The following GALNT13 variants were observed in gnomAD, a reference collection of about 807,000 sequenced individuals.
GALNT13 encodes the protein polypeptide N-acetylgalactosaminyltransferase 13, also known as UDP-GalNAc:polypeptide N-acetylgalactosaminyltransferase 13.
In GALNT13, 28 loss-of-function variants were observed where a neutral mutation model predicts 64.2. That is an observed-to-expected ratio of 0.44 (90% confidence interval 0.32 to 0.60). The LOEUF (loss-of-function observed/expected upper bound fraction) is 0.60, where lower values mean the gene tolerates loss of function less well. Ranked by LOEUF, GALNT13 falls within the 20% of genes least tolerant of loss-of-function variation. The pLI is 0.05. For synonymous variants in GALNT13, 214 were observed against 224.6 expected (o/e 0.95, Z 0.42); for missense variants, 577 against 669.8 (o/e 0.86, Z 1.53).
At chr2:153,180,606 C>G in the GALNT13 span, among the ~76,000 whole-genome samples, 2 of 152,176 alleles carry the variant, frequency 1.3e-5, no homozygotes, top group African/African-American at 4.8e-5. Context: ...TGGCATTGTT[C>G]TTTAAATGTT....
chr2:154,090,330 T>C (rs1456468463), intron 3 of GALNT13, among the ~76,000 whole-genome samples: 1 of 152,148 alleles, frequency 6.6e-6, no homozygotes, highest in Non-Finnish European at 1.5e-5. Context: ...GCTCAATTTC[T>C]ATTTTATGAA....
At chr2:153,999,985 C>T (rs1695791783) in intron 3 of GALNT13, among the ~76,000 whole-genome samples, 1 of 151,866 alleles carries the variant, frequency 6.6e-6, no homozygotes, top group South Asian at 2.1e-4. Flanking sequence ...CAGACTGCCC[C>T]AATCTTGTTA....
At chr2:153,154,735 C>T in the GALNT13 span, among the ~76,000 whole-genome samples, 1 of 152,134 alleles carries the variant, frequency 6.6e-6, no homozygotes, top group Non-Finnish European at 1.5e-5. Flanking sequence ...TCTCTCTTGC[C>T]TGATTGCCCT....
chr2:153,296,348 G>C, the GALNT13 span, among the ~76,000 whole-genome samples: 1 of 152,052 alleles, frequency 6.6e-6, no homozygotes, highest in East Asian at 1.9e-4. Flanking sequence ...TTAAGATACC[G>C]AGAAAATACT....
At chr2:154,205,520 C>T (rs1427616439) in intron 4 of GALNT13, among the ~76,000 whole-genome samples, 1 of 152,208 alleles carries the variant, frequency 6.6e-6, no homozygotes, top group African/African-American at 2.4e-5. Context: ...TATATTGTCA[C>T]ATAGACACTG....
chr2:153,298,329 G>C, the GALNT13 span, among the ~76,000 whole-genome samples: 1 of 152,090 alleles, frequency 6.6e-6, no homozygotes, highest in Non-Finnish European at 1.5e-5. Context: ...CGGACTATCA[G>C]GTCACCTTCG....
At chr2:153,773,858 A>G in the GALNT13 span, among the ~76,000 whole-genome samples, 1 of 152,126 alleles carries the variant, frequency 6.6e-6, no homozygotes, top group African/African-American at 2.4e-5. Flanking sequence ...TTTAACTTTT[A>G]TCTTATCCCA....
intron 3 of GALNT13, among the ~76,000 whole-genome samples, chr2:154,130,996 G>T (rs761381820): frequency 6.6e-6 from 1 of 152,000 alleles, no homozygotes; most frequent in African/African-American, 2.4e-5. Context: ...ATTTTTTTTG[G>T]CAAAATGGGA....
the GALNT13 span, among the ~76,000 whole-genome samples, chr2:153,306,492 A>G: frequency 6.6e-6 from 1 of 152,196 alleles, no homozygotes; most frequent in South Asian, 2.1e-4. Context: ...CAATTTATTT[A>G]CTAGAGTACA....
the GALNT13 span, among the ~76,000 whole-genome samples, chr2:153,199,977 A>C: frequency 6.6e-6 from 1 of 152,208 alleles, no homozygotes; most frequent in African/African-American, 2.4e-5. Context: ...ACCACATCTC[A>C]TAGGGTCTCA....
At chr2:153,345,719 G>GTCCGTCCGTCCTTCCTTCCTTCCTTCCT in the GALNT13 span, among the ~76,000 whole-genome samples, 1 of 79,974 alleles carries the variant, frequency 1.3e-5, no homozygotes, top group African/African-American at 4.9e-5. Flanking sequence ...CTCTCTTTCT[G>GTCCGTCCGTCCTTCCTTCCTTCCTTCCT]TCCTTCCTTC....
intron 2 of GALNT13, among the ~76,000 whole-genome samples, chr2:153,930,162 CAT>C (rs1208600966): frequency 1.3e-5 from 2 of 152,064 alleles, no homozygotes; most frequent in Admixed American, 1.3e-4. Context: ...AGTGTCTGTT[CAT>C]GTCTTTTGTC....
At chr2:153,219,839 G>C in the GALNT13 span, among the ~76,000 whole-genome samples, 1 of 152,192 alleles carries the variant, frequency 6.6e-6, no homozygotes, top group Non-Finnish European at 1.5e-5. Context: ...CTGAGTTATT[G>C]CTGAATCTGG....
the GALNT13 span, among the ~76,000 whole-genome samples, chr2:153,165,789 T>C: frequency 1.3e-5 from 2 of 152,160 alleles, no homozygotes; most frequent in Non-Finnish European, 2.9e-5. Context: ...TGTGAATAAA[T>C]TTAGGATCAG....
At chr2:153,696,408 G>A in the GALNT13 span, among the ~76,000 whole-genome samples, 24 of 152,014 alleles carry the variant, frequency 1.6e-4, no homozygotes, top group African/African-American at 5.6e-4. Context: ...TCAGTCCACT[G>A]ACTCAAATAT....
chr2:153,248,815 CGA>C, the GALNT13 span, among the ~76,000 whole-genome samples: 2 of 127,498 alleles, frequency 1.6e-5, no homozygotes, highest in Non-Finnish European at 1.6e-5. Context: ...GACTCTGTCT[CGA>C]AAAAAAAAAA....
At chr2:154,050,441 C>T (rs994320753) in intron 3 of GALNT13, among the ~76,000 whole-genome samples, 1 of 152,080 alleles carries the variant, frequency 6.6e-6, no homozygotes, top group African/African-American at 2.4e-5. Flanking sequence ...AGAAAATGAA[C>T]TTGAGGTTTC....
At chr2:153,562,060 CTGTGTGTGTGTGTGTGTGTG>C in the GALNT13 span, among the ~76,000 whole-genome samples, 7 of 118,952 alleles carry the variant, frequency 5.9e-5, no homozygotes, top group Admixed American at 8.3e-5. Flanking sequence ...CTCTCTCTCT[CTGTGTGTGTGTGTGTGTGTG>C]TGTGTGTGTG....
chr2:153,641,631 G>T, the GALNT13 span, among the ~76,000 whole-genome samples: 1 of 152,060 alleles, frequency 6.6e-6, no homozygotes, highest in Non-Finnish European at 1.5e-5. Context: ...TATACTTACT[G>T]GTGTGGGTCT....
Sources: allele counts gnomAD v4.1 joint callset (sites outside exome capture counted in the v4.1 genomes callset), GRCh38; gene constraint gnomAD v4.1.1; transcripts MANE v1.5; gene names NCBI Gene and HGNC (gene_info 2026-07-23, HGNC 2026-07-21).